The following DIP2B variants were observed in gnomAD, a reference collection of about 807,000 sequenced individuals.
The protein encoded by DIP2B is DIP2 acetate--CoA ligase B (putative), also known as disco-interacting protein 2 homolog B.
DIP2B carries 76 observed loss-of-function variants against 198.0 expected under a neutral mutation model. The observed-to-expected ratio is 0.38, with a 90% CI of 0.32 to 0.46. The LOEUF (loss-of-function observed/expected upper bound fraction) is 0.46. Ranked by LOEUF, DIP2B falls within the 20% of genes least tolerant of loss-of-function variation. The pLI, the probability that DIP2B is intolerant of heterozygous loss-of-function variation, is 0.99. For synonymous variants in DIP2B, 701 were observed against 739.1 expected (o/e 0.95, Z 0.84); for missense variants, 1,559 against 1,978.4 (o/e 0.79, Z 4.02).
intron 1 of DIP2B, among the ~76,000 whole-genome samples, chr12:50,610,842 G>A (rs1959025586): frequency 7.2e-6 from 1 of 138,036 alleles, no homozygotes; most frequent in South Asian, 2.3e-4. Flanking sequence ...TCGCTCTGTT[G>A]CCTAGGCTGG....
intron 1 of DIP2B, among the ~76,000 whole-genome samples, chr12:50,623,541 A>ACG (rs1400541341): frequency 1.3e-5 from 2 of 151,468 alleles, no homozygotes; most frequent in Non-Finnish European, 2.9e-5. Flanking sequence ...ACACACACAC[A>ACG]CACACACTCT....
chr12:50,577,881 G>A (rs901302635), intron 1 of DIP2B, among the ~76,000 whole-genome samples: 2 of 152,074 alleles, frequency 1.3e-5, no homozygotes, highest in African/African-American at 4.8e-5. Context: ...TCAGATAACT[G>A]TGGTTATTCT....
intron 4 of DIP2B, among the ~76,000 whole-genome samples, chr12:50,667,512 T>G (rs1242559513): frequency 6.6e-6 from 1 of 152,170 alleles, no homozygotes; most frequent in Non-Finnish European, 1.5e-5. Flanking sequence ...GGACCTTGTT[T>G]TGATTTTTAA....
chr12:50,714,616 G>T lies in DIP2B; in HGVS notation c.2851+20G>T. ...AACCAGGTAATATGCTGGCTTCCAAGACCTGGCACTAAAATTCCAACTTCA... is the reference window on the plus strand; with the variant it reads ...AACCAGGTAATATGCTGGCTTCCAATACCTGGCACTAAAATTCCAACTTCA... On this transcript the variant is annotated intron_variant, in intron 23 of 37. Coordinates refer to ENST00000301180, the MANE Select transcript of DIP2B (RefSeq NM_173602.3). 6.2e-7 allele frequency: 1 copy of T among 1,613,406 alleles called. No homozygotes were observed. Among genetic ancestry groups the T allele is most frequent in the South Asian group, 1.1e-5 (1 of 91,062 alleles).
At chr12:50,723,741 G>A (rs948962146) in intron 27 of DIP2B, among the ~76,000 whole-genome samples, 8 of 151,072 alleles carry the variant, frequency 5.3e-5, no homozygotes, top group African/African-American at 4.9e-5. Flanking sequence ...AGACCCTGTC[G>A]CCAAAAGAAA....
chr12:50,574,866 GGTTT>G (rs1352892847), intron 1 of DIP2B, among the ~76,000 whole-genome samples: 1 of 152,194 alleles, frequency 6.6e-6, no homozygotes, highest in East Asian at 1.9e-4. Flanking sequence ...TTGCAGCCAA[GGTTT>G]GTTTATCGGA....
At chr12:50,725,942 T>A (rs960433734) in intron 28 of DIP2B, among the ~76,000 whole-genome samples, 11 of 152,260 alleles carry the variant, frequency 7.2e-5, no homozygotes, top group African/African-American at 9.6e-5. Flanking sequence ...CTGGGTTTTT[T>A]AAATATTTGT....
chr12:50,534,369 ATT>A lies in DIP2B; in HGVS notation c.100+29149_100+29150del, dbSNP rs72095442. Among the ~76,000 whole-genome samples, 282 of 107,856 alleles carry A rather than the reference ATT, an allele frequency of 2.6e-3. 1 individual carries two copies. The East Asian group carries it at 0.056, about 21-fold the overall frequency. 70.8% of individuals were successfully genotyped at this position (107,856 alleles called of 152,430 possible). ...GACTCTTTTTACACATTCTCATTTCATTTTTTTTTTTTTTTTTTTTTGAGACG... is the reference window on the plus strand; with the variant it reads ...GACTCTTTTTACACATTCTCATTTCATTTTTTTTTTTTTTTTTTTGAGACG... On this transcript the variant is annotated intron_variant, in intron 1 of 37. Coordinates refer to ENST00000301180, the MANE Select transcript of DIP2B (RefSeq NM_173602.3).
chr12:50,566,486 G>A (rs1484364866), intron 1 of DIP2B, among the ~76,000 whole-genome samples: 1 of 152,054 alleles, frequency 6.6e-6, no homozygotes, highest in African/African-American at 2.4e-5. Context: ...CCTTCAATCT[G>A]TGAATTTATG....
At chr12:50,535,822 A>G (rs1412323304) in intron 1 of DIP2B, among the ~76,000 whole-genome samples, 1 of 150,274 alleles carries the variant, frequency 6.7e-6, no homozygotes, top group African/African-American at 2.4e-5. Context: ...AGCATTAGGT[A>G]TATCTCCTAA....
intron 1 of DIP2B, among the ~76,000 whole-genome samples, chr12:50,580,308 G>A (rs1303213985): frequency 6.7e-6 from 1 of 148,528 alleles, no homozygotes; most frequent in Non-Finnish European, 1.5e-5. Flanking sequence ...ATTATCTCCA[G>A]GTAAAGGGCT....
chr12:50,717,589 G>C (rs1043881795), intron 23 of DIP2B, among the ~76,000 whole-genome samples: 1 of 151,164 alleles, frequency 6.6e-6, no homozygotes, highest in Admixed American at 6.6e-5. Context: ...GGATGGTCTC[G>C]GTCTCCTGAC....
At chr12:50,574,344 G>A (rs1958639944) in intron 1 of DIP2B, among the ~76,000 whole-genome samples, 1 of 152,188 alleles carries the variant, frequency 6.6e-6, no homozygotes, top group South Asian at 2.1e-4. Context: ...ACTATTAGCA[G>A]ATGAGGGCCA....
intron 23 of DIP2B, among the ~76,000 whole-genome samples, chr12:50,716,958 C>CCTTTTTTTTTTTTTTTTTTT (rs1939731569): frequency 1.7e-5 from 1 of 58,924 alleles, no homozygotes; most frequent in Non-Finnish European, 3.0e-5. Flanking sequence ...CGAATTGTTG[C>CCTTTTTTTTTTTTTTTTTTT]TTTTTTTTTT....
chr12:50,506,316 A>G (rs929725859), intron 1 of DIP2B, among the ~76,000 whole-genome samples: 4 of 152,318 alleles, frequency 2.6e-5, no homozygotes, highest in East Asian at 1.9e-4. Flanking sequence ...AAGTGGATCA[A>G]AAACTCTTGA....
At position 50,563,299 on chromosome 12, in the gene DIP2B, A is replaced by AC. The variant is rs200069682; in HGVS notation, c.100+58061dup. ...CCGCCTGGGCTCAAACGATTCTTCC[A>AC]CCTCAGCCTCCTGAGTGGCTAGATC... On this transcript the variant is annotated intron_variant, in intron 1 of 37. Transcript: ENST00000301180. Among the ~76,000 whole-genome samples, 749 of 152,038 alleles carry AC rather than the reference A, an allele frequency of 4.9e-3. 21 individuals are homozygous for AC. Among genetic ancestry groups the AC allele is most frequent in the Admixed American group, 0.045 (692 of 15,256 alleles).
chr12:50,525,799 C>T (rs1228646556), intron 1 of DIP2B, among the ~76,000 whole-genome samples: 2 of 152,164 alleles, frequency 1.3e-5, no homozygotes, highest in African/African-American at 4.8e-5. Flanking sequence ...AGGTGTGAAC[C>T]ACCATGCCTG....
intron 26 of DIP2B, among the ~76,000 whole-genome samples, chr12:50,722,251 T>A (rs947299053): frequency 7.6e-5 from 10 of 131,852 alleles, no homozygotes; most frequent in Non-Finnish European, 1.1e-4. Flanking sequence ...GTTTGTTTGT[T>A]TGTTTATTTT....
At chr12:50,613,144 G>C (rs1959045783) in intron 1 of DIP2B, among the ~76,000 whole-genome samples, 1 of 152,182 alleles carries the variant, frequency 6.6e-6, no homozygotes, top group Non-Finnish European at 1.5e-5. Flanking sequence ...TTGGATGCTG[G>C]AGCCAGACCA....
Sources: gnomAD v4.1 joint callset for allele counts (sites outside exome capture counted in the v4.1 genomes callset) on GRCh38, gnomAD v4.1.1 for gene constraint, MANE v1.5 for transcripts, NCBI Gene and HGNC (gene_info 2026-07-23, HGNC 2026-07-21) for gene names.